Variants in EPRS1 observed in about 807,000 individuals in gnomAD.
EPRS1 encodes the protein bifunctional glutamate/proline--tRNA ligase.
EPRS1 carries 107 observed loss-of-function variants against 188.3 expected under a neutral mutation model. The observed-to-expected ratio is 0.57, with a 90% confidence interval of 0.49 to 0.67. EPRS1 has a LOEUF of 0.67. Among genes scored for constraint, EPRS1 ranks in the 30% least tolerant of loss-of-function variants. The pLI is 0.00. For synonymous variants in EPRS1, 596 were observed against 593.1 expected (o/e 1.00, Z -0.07); for missense variants, 1,577 against 1,802.2 (o/e 0.88, Z 2.26).
intron 25 of EPRS1, 122 bp downstream of exon 25, chr1:219,980,634 T>C (rs1660876473): frequency 3.2e-6 from 2 of 632,346 alleles, no homozygotes; most frequent in South Asian, 2.2e-5. Context: ...CTTAAATCCA[T>C]GAACATTTGA....
chr1:220,014,300 C>T (rs1001059948), intron 12 of EPRS1, among the ~76,000 whole-genome samples: 5 of 151,122 alleles, frequency 3.3e-5, no homozygotes, highest in African/African-American at 1.2e-4. Context: ...TGCACGGTAG[C>T]CTGGGTGACA....
At chr1:219,993,539 A>G (rs932984243) in intron 18 of EPRS1, among the ~76,000 whole-genome samples, 27 of 152,228 alleles carry the variant, frequency 1.8e-4, no homozygotes, top group Non-Finnish European at 8.8e-5. Context: ...CAAAACAAAA[A>G]ACAGAGCAAG....
intron 18 of EPRS1, among the ~76,000 whole-genome samples, chr1:219,994,850 C>T (rs1225340058): frequency 6.6e-6 from 1 of 151,986 alleles, no homozygotes; most frequent in African/African-American, 2.4e-5. Flanking sequence ...GACAGGGTTT[C>T]ACTGTGTTAG....
chr1:220,026,561 C>T (rs1259400925), intron 6 of EPRS1, among the ~76,000 whole-genome samples: 5 of 151,336 alleles, frequency 3.3e-5, no homozygotes, highest in Admixed American at 6.6e-5. Flanking sequence ...GACGGACTCT[C>T]GCTCTGTCGC....
chr1:220,040,526 T>C (rs1662271543), intron 1 of EPRS1, among the ~76,000 whole-genome samples: 1 of 152,208 alleles, frequency 6.6e-6, no homozygotes, highest in African/African-American at 2.4e-5. Context: ...CTGAAATTAA[T>C]CTGCTTCTCC....
At chr1:219,969,800 T>C (rs988530308) in intron 30 of EPRS1, among the ~76,000 whole-genome samples, 1 of 152,204 alleles carries the variant, frequency 6.6e-6, no homozygotes, top group African/African-American at 2.4e-5. Context: ...AAATTGTGGA[T>C]GTCAGACTAG....
Position 219,987,285 on chromosome 1 carries a change from C to T in EPRS1, c.2895G>A (p.Lys965=). The T allele has an allele frequency of 6.2e-7, 1 of 1,613,876 alleles. No individual in the cohort carries two copies. Among genetic ancestry groups the T allele is most frequent in the Non-Finnish European group, 8.5e-7 (1 of 1,179,946 alleles). ...TTTCAGATTTATTTTCTTTTTCTTTCTTCTTCTTATCTTTGTCCTCAGCTC... is the reference window on the plus strand; with the variant it reads ...TTTCAGATTTATTTTCTTTTTCTTTTTTCTTCTTATCTTTGTCCTCAGCTC... The part of the protein sequence containing the change: ...ATGAEDKDKK[K]KEKENKSEKQ... Residue 965 remains lysine (K), a synonymous_variant, in exon 20 of 32, where the codon AAG becomes AAA. Coordinates refer to ENST00000366923, the MANE Select transcript of EPRS1 (RefSeq NM_004446.3).
chr1:219,990,430 T>G (rs926138956), intron 18 of EPRS1, among the ~76,000 whole-genome samples: 2 of 152,182 alleles, frequency 1.3e-5, no homozygotes, highest in African/African-American at 4.8e-5. Context: ...TATCATTTTA[T>G]GGTATATTTA....
chr1:219,997,225 A>C lies in EPRS1; in HGVS notation c.2299T>G (p.Leu767Val). ...VAVQGDVVRE[L>V]KAKKAPKEDV... is the part of the protein sequence containing the mutation. ...TCCTTTGGTGCTTTCTTGGCTTTTA[A>C]TTCACGAACCACATCTCCTTGAACA... Residue 767 changes from leucine to valine, a missense_variant, in exon 18 of 32, where the codon TTA (leucine) becomes GTA (valine). Physicochemically the swap from Leu to Val is conservative, Grantham distance 32. Around this residue, in one of 3 missense-constraint regions of EPRS1, gnomAD observed 1,278 missense variants for 1,457.4 expected, o/e 0.88. Transcript: ENST00000366923. 3.7e-6 allele frequency: 6 copies of C among 1,614,096 alleles called. No homozygotes were observed. The highest frequency in any genetic ancestry group is 5.1e-6 in the Non-Finnish European group (6 of 1,179,978).
rs1046027537 is a variant in EPRS1, at chr1:220,009,578, T to A, written c.1605+1368A>T. Among the ~76,000 whole-genome samples the A allele has an allele frequency of 7.2e-5, 11 of 152,148 alleles. 1 individual carries two copies. The South Asian group carries it at 1.9e-3, about 26-fold the overall frequency. On this transcript the variant is annotated intron_variant, in intron 13 of 31. Transcript: ENST00000366923. ...GGCATGAACCTGTAGTCCCAGGTATTCAGGATGCTGAGGTGGAAGGATCAC... is the reference window on the plus strand; with the variant it reads ...GGCATGAACCTGTAGTCCCAGGTATACAGGATGCTGAGGTGGAAGGATCAC...
Position 219,969,076 on chromosome 1 carries a change from A to C in EPRS1, c.4370T>G (p.Ile1457Ser). The C allele has an allele frequency of 6.2e-7, 1 of 1,613,406 alleles. No individual in the cohort carries two copies. Among genetic ancestry groups the C allele is most frequent in the Non-Finnish European group, 8.5e-7 (1 of 1,179,342 alleles). ...GGTTTACCTGGCAGTGGTCTTTTTG[A>C]TCCAGTCCTCACAGTCAATTTCCCC... ...FCGEIDCEDWIKKTTARDQDL... is the reference protein window; with the variant it reads ...FCGEIDCEDWSKKTTARDQDL... The change falls in exon 31 of 32, where the codon ATC (isoleucine) becomes AGC (serine). Residue 1457 changes from isoleucine to serine, a missense_variant. Ile to Ser is a moderately radical substitution (Grantham distance 142). Transcript: ENST00000366923.
At chr1:220,027,118 C>A (rs568847807) in intron 6 of EPRS1, among the ~76,000 whole-genome samples, 11 of 149,228 alleles carry the variant, frequency 7.4e-5, no homozygotes, top group African/African-American at 2.7e-4. Context: ...GGTGAAACCC[C>A]GTCTCTACTA....
chr1:220,001,133 A>AT lies in EPRS1; in HGVS notation c.2181+4dup. 6.6e-7 allele frequency: 1 copy of AT among 1,518,762 alleles called. No individual in the cohort carries two copies. The highest frequency in any genetic ancestry group is 9.1e-7 in the Non-Finnish European group (1 of 1,092,958). The allele number at this position is 1,518,762 out of a possible 1,614,324, so 94.1% of individuals were successfully genotyped here. On this transcript the variant is annotated splice_donor_region_variant and intron_variant, in intron 17 of 31. Coordinates refer to ENST00000366923, the MANE Select transcript of EPRS1 (RefSeq NM_004446.3). ...TTTTATACACATATCCGTAAAAGTC[A>AT]TTACCTCATTTTTTGTGGCTTCTAC...
Position 219,984,129 on chromosome 1 carries a change from C to G in EPRS1, c.3090+77G>C, listed in dbSNP as rs1660957471. 8 of 973,110 alleles carry G rather than the reference C, an allele frequency of 8.2e-6. No individual in the cohort carries two copies. In the South Asian group the frequency reaches 1.1e-4, roughly 13 times the overall value. 60.3% of individuals were successfully genotyped at this position (973,110 alleles called of 1,614,324 possible). A position where few individuals can be genotyped will look rare whatever the true frequency, so the allele number is the denominator to read the frequency against. Reference sequence around the variant, plus strand: ...AACATTATTACTATTGCCTTTGTGCCCATATTTTAGAATCTGAACATAAAA... The same window carrying G: ...AACATTATTACTATTGCCTTTGTGCGCATATTTTAGAATCTGAACATAAAA... On this transcript the variant is annotated intron_variant, in intron 21 of 31. Transcript: ENST00000366923.
intron 13 of EPRS1, among the ~76,000 whole-genome samples, chr1:220,008,107 CAAAAAAAA>C (rs55642831): frequency 3.0e-5 from 4 of 133,384 alleles, no homozygotes; most frequent in East Asian, 2.1e-4. Context: ...ACTCCGTCAC[CAAAAAAAA>C]AAAAAAAAAA....
At chr1:220,001,489 T>C (rs1198674082) in intron 16 of EPRS1, among the ~76,000 whole-genome samples, 3 of 152,094 alleles carry the variant, frequency 2.0e-5, no homozygotes, top group Non-Finnish European at 4.4e-5. Flanking sequence ...CCTCAGCCTG[T>C]AAGTAGCTGG....
intron 18 of EPRS1, among the ~76,000 whole-genome samples, chr1:219,990,962 G>C (rs1032294536): frequency 6.6e-6 from 1 of 152,022 alleles, no homozygotes; most frequent in African/African-American, 2.4e-5. Context: ...AACAGAAAAG[G>C]TTTTCAGCAA....
chr1:219,981,635 T>C (rs1660902201), intron 23 of EPRS1, among the ~76,000 whole-genome samples, 178 bp from the exon 24 acceptor site: 2 of 152,274 alleles, frequency 1.3e-5, no homozygotes, highest in East Asian at 3.8e-4. Context: ...AATAGTATTA[T>C]CTATTTCATG....
intron 12 of EPRS1, among the ~76,000 whole-genome samples, chr1:220,012,293 A>C (rs1344838797): frequency 6.6e-6 from 1 of 152,194 alleles, no homozygotes; most frequent in Non-Finnish European, 1.5e-5. Context: ...GGGCTGGAAT[A>C]ATCAAAGATT....
Sources: allele counts gnomAD v4.1 joint callset (sites outside exome capture counted in the v4.1 genomes callset), GRCh38; gene constraint gnomAD v4.1.1; regional missense constraint gnomAD v4.1.1; transcripts MANE v1.5; gene names NCBI Gene and HGNC (gene_info 2026-07-23, HGNC 2026-07-21).